Variants in LGSN observed in about 807,000 individuals in gnomAD.
The protein encoded by LGSN is lengsin.
In LGSN, 21 loss-of-function variants were observed where a neutral mutation model predicts 19.5. The observed-to-expected ratio is 1.07, with a 90% CI of 0.76 to 1.55. The LOEUF (loss-of-function observed/expected upper bound fraction) is 1.55. Ranked by LOEUF, LGSN falls within the 40% of genes most tolerant of loss-of-function variation. LGSN has a pLI of 0.00. For missense variants in LGSN, 673 were observed against 608.5 expected, an observed-to-expected ratio of 1.11 and a Z score of -1.12; for synonymous variants, 257 against 215.6, an observed-to-expected ratio of 1.19 and a Z score of -1.68.
chr6:63,432,958 A>T, the LGSN span, among the ~76,000 whole-genome samples: 3 of 151,382 alleles, frequency 2.0e-5, no homozygotes, highest in Non-Finnish European at 4.4e-5. Context: ...ATAAAAATCT[A>T]TGCTCTTTAC....
At chr6:63,388,687 T>C in the LGSN span, among the ~76,000 whole-genome samples, 4 of 152,212 alleles carry the variant, frequency 2.6e-5, no homozygotes, top group African/African-American at 9.7e-5. Flanking sequence ...AGCCACCCAG[T>C]CTGTGGTATT....
the LGSN span, among the ~76,000 whole-genome samples, chr6:63,465,157 C>T: frequency 2.6e-5 from 4 of 151,968 alleles, no homozygotes; most frequent in Non-Finnish European, 4.4e-5. Flanking sequence ...TACTACTGCG[C>T]GTCTATTTCC....
intron 2 of LGSN, among the ~76,000 whole-genome samples, chr6:63,291,784 G>A (rs1457874466): frequency 1.3e-5 from 2 of 152,136 alleles, no homozygotes; most frequent in East Asian, 1.9e-4. Context: ...ATAACCCCTC[G>A]AAAATTTCTT....
At chr6:63,474,648 G>T in the LGSN span, among the ~76,000 whole-genome samples, 1 of 151,370 alleles carries the variant, frequency 6.6e-6, no homozygotes, top group Admixed American at 6.6e-5. Flanking sequence ...TAGGCTGGGC[G>T]CTGTGGCTCA....
At chr6:63,508,442 T>C in the LGSN span, among the ~76,000 whole-genome samples, 1 of 152,180 alleles carries the variant, frequency 6.6e-6, no homozygotes, top group African/African-American at 2.4e-5. Flanking sequence ...TAAAAAGTTG[T>C]ATGAATTTAT....
the LGSN span, among the ~76,000 whole-genome samples, chr6:63,412,371 G>GGAAA: frequency 3.8e-5 from 5 of 132,230 alleles, no homozygotes; most frequent in African/African-American, 8.5e-5. Context: ...CATCAAGAAA[G>GGAAA]GAAAGAAAGA....
the LGSN span, among the ~76,000 whole-genome samples, chr6:63,532,390 T>C: frequency 1.3e-5 from 2 of 152,188 alleles, no homozygotes; most frequent in African/African-American, 4.8e-5. Context: ...GAATCTCCTC[T>C]ATGCTCACAT....
the LGSN span, among the ~76,000 whole-genome samples, chr6:63,358,173 T>C: frequency 6.6e-6 from 1 of 152,242 alleles, no homozygotes; most frequent in African/African-American, 2.4e-5. Flanking sequence ...GAGGGCTCTG[T>C]TCTGTTCCAT....
chr6:63,356,356 A>G, the LGSN span, among the ~76,000 whole-genome samples: 16 of 152,244 alleles, frequency 1.1e-4, no homozygotes, highest in South Asian at 1.4e-3. Flanking sequence ...CCTGAACAAC[A>G]TGATGAAACC....
At chr6:63,453,814 C>T in the LGSN span, among the ~76,000 whole-genome samples, 2 of 152,058 alleles carry the variant, frequency 1.3e-5, no homozygotes, top group Non-Finnish European at 2.9e-5. Flanking sequence ...CCACCACGCC[C>T]GGCTAATTTT....
chr6:63,356,372 T>C, the LGSN span, among the ~76,000 whole-genome samples: 1 of 151,972 alleles, frequency 6.6e-6, no homozygotes, highest in Non-Finnish European at 1.5e-5. Flanking sequence ...AAACCCCATC[T>C]CTACTAAAAA....
the LGSN span, among the ~76,000 whole-genome samples, chr6:63,450,222 C>A: frequency 6.8e-6 from 1 of 148,008 alleles, no homozygotes; most frequent in Non-Finnish European, 1.5e-5. Context: ...ATTAGCCAGG[C>A]ATGGTGGTGA....
chr6:63,359,319 C>T, the LGSN span, among the ~76,000 whole-genome samples: 1 of 152,226 alleles, frequency 6.6e-6, no homozygotes, highest in South Asian at 2.1e-4. Flanking sequence ...CTCTGCCCAG[C>T]TTTGGTATCA....
At chr6:63,544,008 T>C in the LGSN span, among the ~76,000 whole-genome samples, 1 of 152,208 alleles carries the variant, frequency 6.6e-6, no homozygotes, top group Non-Finnish European at 1.5e-5. Flanking sequence ...TTTCAACCAT[T>C]CATTTCCTTC....
chr6:63,452,653 T>TTCTCTCTC, the LGSN span, among the ~76,000 whole-genome samples: 63,525 of 147,656 alleles, frequency 0.43, 15,178 homozygotes, highest in Non-Finnish European at 0.54. Context: ...TATGTTATCT[T>TTCTCTCTC]TCTCTCTCTC....
chr6:63,281,095 C>A lies in LGSN; in HGVS notation c.456G>T (p.Glu152Asp), dbSNP rs1562003451. The change falls in exon 4 of 4, where the codon GAG becomes GAT. Residue 152 changes from glutamate to aspartate, a missense_variant. Physicochemically the swap from Glu to Asp is conservative, Grantham distance 45. Transcript: ENST00000370657. ...ATGGCAAAACTCTAAAGGTTGATAA[C>A]TCTGGCATTAGGACTATGTCGCTAT... ...CFNSDIVLMP[E>D]LSTFRVLPWA... The A allele has an allele frequency of 6.2e-7, 1 of 1,613,856 alleles. No individual in the cohort carries two copies. Among genetic ancestry groups the A allele is most frequent in the East Asian group, 2.2e-5 (1 of 44,856 alleles).
At chr6:63,389,783 A>T in the LGSN span, among the ~76,000 whole-genome samples, 1 of 152,194 alleles carries the variant, frequency 6.6e-6, no homozygotes, top group Non-Finnish European at 1.5e-5. Context: ...CAGAAATTCA[A>T]AGGTAGTGCA....
At chr6:63,432,488 G>A in the LGSN span, among the ~76,000 whole-genome samples, 4 of 151,908 alleles carry the variant, frequency 2.6e-5, no homozygotes, top group Admixed American at 6.6e-5. Flanking sequence ...TCAGGAGATC[G>A]AGACCATCCT....
chr6:63,501,201 G>A, the LGSN span, among the ~76,000 whole-genome samples: 81,293 of 151,680 alleles, frequency 0.54, 23,601 homozygotes, highest in African/African-American at 0.77. Context: ...GTGAAACCCC[G>A]TCTCTATTAA....
Sources: gnomAD v4.1 joint callset for allele counts (sites outside exome capture counted in the v4.1 genomes callset) on GRCh38, gnomAD v4.1.1 for gene constraint, MANE v1.5 for transcripts, NCBI Gene and HGNC (gene_info 2026-07-23, HGNC 2026-07-21) for gene names.